Variants in SYCP2L observed in about 807,000 individuals in gnomAD.
The protein encoded by SYCP2L is synaptonemal complex protein 2-like.
In SYCP2L, 98 loss-of-function variants were observed where a neutral mutation model predicts 125.8. The ratio of observed to expected loss-of-function variants is 0.78; its 90% CI spans 0.66 to 0.92. SYCP2L has a LOEUF of 0.92. Among genes scored for constraint, SYCP2L ranks in the 40% least tolerant of loss-of-function variants. SYCP2L has a pLI of 0.00. For synonymous variants in SYCP2L, 317 were observed against 325.4 expected, an observed-to-expected ratio of 0.97 and a Z score of 0.28; for missense variants, 842 against 936.4, an observed-to-expected ratio of 0.90 and a Z score of 1.32.
At chr6:10,894,295 T>C in intron 4 of SYCP2L, 91 bp downstream of exon 4, 1 of 1,439,968 alleles carries the variant, frequency 6.9e-7, no homozygotes, top group East Asian at 2.3e-5. Context: ...TATTTTCTGT[T>C]CCTTTGAAAT....
At chr6:10,961,614 T>C (rs1781594884) in intron 28 of SYCP2L, 56 bp downstream of exon 28, 2 of 1,560,188 alleles carry the variant, frequency 1.3e-6, no homozygotes, top group Non-Finnish European at 8.8e-7. Context: ...GAGGTAATGC[T>C]TTAGCTAGAG....
Position 10,887,087 on chromosome 6 carries a change from GCTGAGCGGCGCGTCGCTTCAGGAA to G in SYCP2L, c.-38_-15del. The G allele has an allele frequency of 6.2e-7, 1 of 1,613,986 alleles. No individual in the cohort carries two copies. Among genetic ancestry groups the G allele is most frequent in the Non-Finnish European group, 8.5e-7 (1 of 1,179,942 alleles). On this transcript the variant is annotated 5_prime_UTR_variant, in exon 1 of 30. Transcript: ENST00000283141. Reference sequence around the variant, plus strand: ...GAGAGGGCCGACCGAGCGCAACAAAGCTGAGCGGCGCGTCGCTTCAGGAACGAAGAAGCCTCGTTATGCAAGCGG... The same window carrying G: ...GAGAGGGCCGACCGAGCGCAACAAAGCGAAGAAGCCTCGTTATGCAAGCGG...
chr6:10,958,696 C>A, intron 25 of SYCP2L, 88 bp from the exon 26 acceptor site: 1 of 1,211,406 alleles, frequency 8.3e-7, no homozygotes, highest in Non-Finnish European at 1.2e-6. Flanking sequence ...TTATTACATG[C>A]TGGCAGCATC....
chr6:10,958,385 T>G (rs1312932806), intron 25 of SYCP2L, among the ~76,000 whole-genome samples: 1 of 150,638 alleles, frequency 6.6e-6, no homozygotes, highest in East Asian at 2.0e-4. Flanking sequence ...GGCGGGGAGG[T>G]GCCACACACT....
Position 10,894,010 on chromosome 6 carries a change from T to A in SYCP2L, c.216+6T>A, listed in dbSNP as rs373612251. 5.4e-5 allele frequency: 86 copies of A among 1,603,752 alleles called. No homozygotes were observed. The highest frequency in any genetic ancestry group is 7.3e-5 in the Non-Finnish European group (86 of 1,177,380). On this transcript the variant is annotated splice_donor_region_variant and intron_variant, in intron 3 of 29. Coordinates refer to ENST00000283141, the MANE Select transcript of SYCP2L (RefSeq NM_001040274.3). ...TTGACAGATCAATAAATAAGGCAAG[T>A]TGGTTTGCTTTGTGACCAAAATACA...
chr6:10,963,655 G>T, intron 28 of SYCP2L, 127 bp from the exon 29 acceptor site: 2 of 841,350 alleles, frequency 2.4e-6, no homozygotes, highest in Admixed American at 2.4e-5. Context: ...CTGGGGTGTT[G>T]GTGTCTATAA....
chr6:10,956,497 T>C (rs1246949222), intron 25 of SYCP2L, among the ~76,000 whole-genome samples: 3 of 152,186 alleles, frequency 2.0e-5, no homozygotes, highest in Non-Finnish European at 4.4e-5. Flanking sequence ...ATGGTGACTA[T>C]AGTTAGTAAT....
intron 11 of SYCP2L, among the ~76,000 whole-genome samples, 159 bp downstream of exon 11, chr6:10,910,359 C>A (rs1057169364): frequency 6.6e-6 from 1 of 152,184 alleles, no homozygotes; most frequent in African/African-American, 2.4e-5. Flanking sequence ...CTGAGAAGAT[C>A]AGACCCTTTC....
chr6:10,921,307 T>C (rs1267449769), intron 14 of SYCP2L, among the ~76,000 whole-genome samples: 1 of 152,238 alleles, frequency 6.6e-6, no homozygotes, highest in African/African-American at 2.4e-5. Flanking sequence ...TGATTCCATG[T>C]CTTTGCTATT....
intron 23 of SYCP2L, among the ~76,000 whole-genome samples, chr6:10,947,541 G>C (rs571344292): frequency 6.6e-6 from 1 of 151,994 alleles, no homozygotes; most frequent in Admixed American, 6.6e-5. Flanking sequence ...TGTTACTATT[G>C]TTTTAAAATT....
At chr6:10,900,863 C>A (rs930393720) in intron 6 of SYCP2L, among the ~76,000 whole-genome samples, 3 of 152,196 alleles carry the variant, frequency 2.0e-5, no homozygotes, top group Admixed American at 6.5e-5. Context: ...CGGGGCTGGC[C>A]TCTCTGAAGT....
At chr6:10,946,239 TTATA>T (rs1781313389) in intron 23 of SYCP2L, among the ~76,000 whole-genome samples, 1 of 152,140 alleles carries the variant, frequency 6.6e-6, no homozygotes, top group South Asian at 2.1e-4. Context: ...TCATTTGTAG[TTATA>T]TACTCTATTT....
chr6:10,932,816 C>T (rs571129641), intron 20 of SYCP2L, among the ~76,000 whole-genome samples: 2 of 152,264 alleles, frequency 1.3e-5, no homozygotes, highest in East Asian at 1.9e-4. Context: ...TGCAGTAGTG[C>T]GATCTCAGCT....
At chr6:10,888,353 C>T (rs1396855282) in intron 1 of SYCP2L, among the ~76,000 whole-genome samples, 1 of 152,014 alleles carries the variant, frequency 6.6e-6, no homozygotes, top group Non-Finnish European at 1.5e-5. Flanking sequence ...CTTCGGCCTC[C>T]CAAAGTGCTG....
intron 29 of SYCP2L, among the ~76,000 whole-genome samples, chr6:10,967,983 T>C (rs4713100): frequency 0.26 from 39,024 of 152,010 alleles, 5,428 homozygotes; most frequent in East Asian, 0.42. Context: ...GTCCAAGAAA[T>C]TGAGGGTGTT....
At chr6:10,952,941 C>T (rs939968307) in intron 23 of SYCP2L, among the ~76,000 whole-genome samples, 2 of 152,190 alleles carry the variant, frequency 1.3e-5, no homozygotes, top group African/African-American at 4.8e-5. Flanking sequence ...ATGCCTCTCA[C>T]AGATAAGAGT....
At chr6:10,973,701 G>A (rs759917384) in intron 29 of SYCP2L, among the ~76,000 whole-genome samples, 1 of 152,268 alleles carries the variant, frequency 6.6e-6, no homozygotes, top group African/African-American at 2.4e-5. Context: ...TTAAACTATC[G>A]AGAGATGGCA....
In SYCP2L at chr6:10,891,611, CTCTGTGTGTGTGTGTGTGTGTG is replaced by C. The variant is rs1780174962; in HGVS notation, c.78+32_78+53del. On this transcript the variant is annotated intron_variant, in intron 2 of 29. Transcript: ENST00000283141. ...AGATCAAGTTTCTTTTATAATCTCT[CTCTGTGTGTGTGTGTGTGTGTG>C]TGTGTGTGTGTGTGTGTGTGTGTGT... The C allele has an allele frequency of 6.1e-5, 8 of 130,272 alleles. 1 individual carries two copies. Among genetic ancestry groups the C allele is most frequent in the East Asian group, 8.2e-4 (2 of 2,436 alleles). The allele number at this position is 130,272 out of a possible 1,614,324, so 8.1% of individuals were successfully genotyped here.
At chr6:10,938,460 G>C (rs1191618954) in intron 21 of SYCP2L, among the ~76,000 whole-genome samples, 1 of 152,104 alleles carries the variant, frequency 6.6e-6, no homozygotes, top group Non-Finnish European at 1.5e-5. Context: ...CCACTCAATG[G>C]TGAAAAGCTG....
Sources: gnomAD v4.1 joint callset for allele counts (sites outside exome capture counted in the v4.1 genomes callset) on GRCh38, gnomAD v4.1.1 for gene constraint, MANE v1.5 for transcripts, NCBI Gene and HGNC (gene_info 2026-07-23, HGNC 2026-07-21) for gene names.